Variants in CLN8 observed in about 807,000 individuals in gnomAD.
CLN8 encodes the protein CLN8 transmembrane ER and ERGIC protein.
A neutral mutation model predicts 15.7 loss-of-function variants in CLN8; 14 were observed. The observed-to-expected ratio is 0.89, with a 90% confidence interval of 0.59 to 1.39. The LOEUF (loss-of-function observed/expected upper bound fraction) is 1.39. Among genes scored for constraint, CLN8 ranks in the 40% most tolerant of loss-of-function variants. The probability of loss-of-function intolerance (pLI) is 0.00; values close to 1 mark genes in which losing one functional copy is unlikely to be tolerated. For missense variants in CLN8, 415 were observed against 364.0 expected, an observed-to-expected ratio of 1.14 and a Z score of -1.14; for synonymous variants, 188 against 151.0, an observed-to-expected ratio of 1.25 and a Z score of -1.80.
At chr8:1,761,496 TG>T (rs756440406), upstream of CLN8, among the ~76,000 whole-genome samples, 1 of 152,258 alleles carries the variant, frequency 6.6e-6, no homozygotes, top group Non-Finnish European at 1.5e-5. Context: ...GGCTAATTTT[TG>T]TATTTTTAGT....
upstream of CLN8, among the ~76,000 whole-genome samples, chr8:1,761,364 G>A (rs1266301478): frequency 6.6e-6 from 1 of 152,088 alleles, no homozygotes; most frequent in East Asian, 1.9e-4. Flanking sequence ...TTGCTCTGTT[G>A]CCCAGGCTGG....
intron 2 of CLN8, among the ~76,000 whole-genome samples, chr8:1,774,604 A>G (rs957354726): frequency 2.0e-5 from 3 of 152,224 alleles, no homozygotes; most frequent in Non-Finnish European, 4.4e-5. Context: ...GGTCTAAGTC[A>G]AGCACAGTGG....
intron 1 of CLN8, among the ~76,000 whole-genome samples, chr8:1,766,137 T>G (rs537088904): frequency 1.3e-5 from 2 of 152,172 alleles, no homozygotes; most frequent in African/African-American, 2.4e-5. Context: ...TTCAGATTTT[T>G]AAAAAACTTC....
At chr8:1,775,104 T>A (rs1801460475) in intron 2 of CLN8, among the ~76,000 whole-genome samples, 1 of 152,134 alleles carries the variant, frequency 6.6e-6, no homozygotes, top group African/African-American at 2.4e-5. Flanking sequence ...CAACCAACTG[T>A]GGATCAAAAA....
intron 1 of CLN8, among the ~76,000 whole-genome samples, chr8:1,766,952 G>T (rs1012702944): frequency 3.3e-5 from 5 of 152,228 alleles, no homozygotes; most frequent in African/African-American, 9.6e-5. Context: ...TTCTGTGGGT[G>T]CCCACCTTGT....
At chr8:1,753,104 C>T (rs775518992), upstream of CLN8, among the ~76,000 whole-genome samples, 8 of 152,324 alleles carry the variant, frequency 5.3e-5, no homozygotes, top group Middle Eastern at 6.8e-3. Flanking sequence ...CTCATCTCCT[C>T]ATCAGCAAGG....
Position 1,781,759 on chromosome 8 carries a change from C to T in CLN8, c.*1192C>T, listed in dbSNP as rs1801717778. On this transcript the variant is annotated 3_prime_UTR_variant, in exon 3 of 3. Transcript: ENST00000331222. ...AAGACAAGTAGTGATGTCATTTTCT[C>T]CCTGAGCTGTAGGGTGGACCTGGAC... The T allele has an allele frequency of 6.6e-6, 1 of 152,158 alleles. No homozygotes were observed. 9.4% of individuals were successfully genotyped at this position (152,158 alleles called of 1,614,324 possible).
chr8:1,753,717 C>T (rs1277556043), upstream of CLN8, among the ~76,000 whole-genome samples: 2 of 151,468 alleles, frequency 1.3e-5, no homozygotes, highest in East Asian at 3.9e-4. Flanking sequence ...AACCCCGTCT[C>T]TACTAAAAAT....
chr8:1,774,037 G>A (rs762819627), intron 2 of CLN8: 3 of 152,114 alleles, frequency 2.0e-5, no homozygotes, highest in Non-Finnish European at 2.9e-5. Flanking sequence ...CAAGAAAGAC[G>A]TGAGTCTTTC....
intron 1 of CLN8, among the ~76,000 whole-genome samples, chr8:1,768,848 T>C (rs1801186765): frequency 6.6e-6 from 1 of 152,200 alleles, no homozygotes; most frequent in South Asian, 2.1e-4. Context: ...TCAACCTGAT[T>C]TGTCAACAGG....
At chr8:1,775,869 G>A (rs962605870) in intron 2 of CLN8, among the ~76,000 whole-genome samples, 1 of 152,224 alleles carries the variant, frequency 6.6e-6, no homozygotes, top group Non-Finnish European at 1.5e-5. Flanking sequence ...ACTCTTGCAG[G>A]CCCTGTGCCA....
chr8:1,772,483 G>A (rs549749947), intron 2 of CLN8, among the ~76,000 whole-genome samples: 42 of 152,100 alleles, frequency 2.8e-4, no homozygotes, highest in Non-Finnish European at 4.6e-4. Context: ...TTTTGAGACG[G>A]AATCTTGCTC....
In CLN8 at chr8:1,771,118, G is replaced by C; in HGVS notation, c.64G>C (p.Gly22Arg). 1 of 1,614,010 alleles carries C rather than the reference G, an allele frequency of 6.2e-7. No homozygotes were observed. The highest frequency in any genetic ancestry group is 8.5e-7 in the Non-Finnish European group (1 of 1,180,020). Reference protein sequence around the residue: ...SIFDLDYASWGIRSTLMVAGF... With the variant: ...SIFDLDYASWRIRSTLMVAGF... ...TTTTGACCTGGACTATGCATCCTGG[G>C]GGATCCGCTCCACGCTGATGGTCGC... The change falls in exon 2 of 3, where the codon GGG becomes CGG. Residue 22 changes from glycine to arginine, a missense_variant. Transcript: ENST00000331222.
chr8:1,760,828 G>A (rs1435044578), upstream of CLN8, among the ~76,000 whole-genome samples: 4 of 152,084 alleles, frequency 2.6e-5, no homozygotes, highest in Non-Finnish European at 5.9e-5. Context: ...TGGGGAGCCC[G>A]CGGAAAGCAG....
In CLN8 at chr8:1,782,689, T is replaced by C. The variant is rs1384222532; in HGVS notation, c.*2122T>C. On this transcript the variant is annotated 3_prime_UTR_variant, in exon 3 of 3. Transcript: ENST00000331222. ...GAGGCATAATAAAGTGACTGATGTT[T>C]ACAGAACCCAAATGATGTCTTCCTC... The C allele has an allele frequency of 2.0e-5, 3 of 152,258 alleles. No homozygotes were observed. Among genetic ancestry groups the C allele is most frequent in the Non-Finnish European group, 4.4e-5 (3 of 68,040 alleles). 9.4% of individuals were successfully genotyped at this position (152,258 alleles called of 1,614,324 possible). A position where few individuals can be genotyped will look rare whatever the true frequency, so the allele number is the denominator to read the frequency against.
upstream of CLN8, among the ~76,000 whole-genome samples, chr8:1,755,425 G>T (rs1800647307): frequency 6.6e-6 from 1 of 152,090 alleles, no homozygotes; most frequent in Admixed American, 6.5e-5. Flanking sequence ...CCCCTCAGTG[G>T]CCCCACACAG....
At chr8:1,780,171 G>T in intron 2 of CLN8, 79 bp from the exon 3 acceptor site, 1 of 1,612,096 alleles carries the variant, frequency 6.2e-7, no homozygotes, top group Non-Finnish European at 8.5e-7. Flanking sequence ...AAGTAAGGTA[G>T]CAAATACCTT....
intron 2 of CLN8, among the ~76,000 whole-genome samples, chr8:1,774,057 A>C (rs533328342): frequency 6.6e-6 from 1 of 152,192 alleles, no homozygotes; most frequent in Non-Finnish European, 1.5e-5. Flanking sequence ...CTGTCTCTCC[A>C]GTCCTCAGGG....
At chr8:1,759,113 T>C (rs899007693), upstream of CLN8, 1 of 152,206 alleles carries the variant, frequency 6.6e-6, no homozygotes, top group Non-Finnish European at 1.5e-5. Context: ...TTTGTCAACC[T>C]TAAGATCTCT....
Sources: allele counts gnomAD v4.1 joint callset (sites outside exome capture counted in the v4.1 genomes callset), GRCh38; gene constraint gnomAD v4.1.1; transcripts MANE v1.5; gene names NCBI Gene and HGNC (gene_info 2026-07-23, HGNC 2026-07-21).